The following HDAC9 variants were observed in gnomAD, a reference collection of about 807,000 sequenced individuals.
The protein encoded by HDAC9 is histone deacetylase 9.
In HDAC9, 41 loss-of-function variants were observed where a neutral mutation model predicts 139.4. The ratio of observed to expected loss-of-function variants is 0.29; its 90% confidence interval spans 0.23 to 0.38. The LOEUF (loss-of-function observed/expected upper bound fraction) is 0.38. Among genes scored for constraint, HDAC9 ranks in the 10% least tolerant of loss-of-function variants. The pLI is 1.00. For missense variants in HDAC9, 1,147 were observed against 1,297.0 expected (o/e 0.88, Z 1.78); for synonymous variants, 517 against 476.2 (o/e 1.09, Z -1.12).
rs796695519 is a variant in HDAC9, at chr7:18,824,090, C to CAAGAAGAAG, written c.2323-5066_2323-5065insGAAGAAGAA. Among the ~76,000 whole-genome samples, 110 of 123,190 alleles carry CAAGAAGAAG rather than the reference C, an allele frequency of 8.9e-4. 1 individual carries two copies. Among genetic ancestry groups the CAAGAAGAAG allele is most frequent in the South Asian group, 2.1e-3 (7 of 3,298 alleles). The allele number at this position is 123,190 out of a possible 152,430, so 80.8% of individuals were successfully genotyped here. On this transcript the variant is annotated intron_variant, in intron 17 of 25. Transcript: ENST00000686413. ...AGAAGAAGAAGAAGAAGAAGAAGAA[C>CAAGAAGAAG]AAGAACAAGAAGGAGAAGAAGAAGA...
At chr7:18,768,061 C>T (rs1449839213) in intron 16 of HDAC9, among the ~76,000 whole-genome samples, 1 of 152,002 alleles carries the variant, frequency 6.6e-6, no homozygotes, top group African/African-American at 2.4e-5. Context: ...GCCTTTTGTT[C>T]CTTTGCTTGT....
intron 1 of HDAC9, among the ~76,000 whole-genome samples, chr7:18,292,899 C>A (rs866066337): frequency 6.6e-6 from 1 of 152,076 alleles, no homozygotes; most frequent in Non-Finnish European, 1.5e-5. Flanking sequence ...ACGGGTACAA[C>A]TGCAAAAATA....
intron 1 of HDAC9, among the ~76,000 whole-genome samples, chr7:18,427,094 C>T (rs1442864188): frequency 6.6e-6 from 1 of 152,194 alleles, no homozygotes; most frequent in Non-Finnish European, 1.5e-5. Flanking sequence ...CATTGCCTAG[C>T]TGGTATTAAC....
intron 2 of HDAC9, among the ~76,000 whole-genome samples, chr7:18,581,799 C>A (rs973917084): frequency 2.0e-5 from 3 of 152,162 alleles, no homozygotes; most frequent in African/African-American, 4.8e-5. Context: ...TTGGGTGCTA[C>A]AATTAAGAGA....
intron 8 of HDAC9, among the ~76,000 whole-genome samples, chr7:18,642,058 A>G (rs545421976): frequency 1.3e-5 from 2 of 152,208 alleles, no homozygotes; most frequent in Non-Finnish European, 2.9e-5. Context: ...CTGTTTCCTT[A>G]TCTGTAATCC....
chr7:18,718,889 C>T (rs1358444067), intron 12 of HDAC9, among the ~76,000 whole-genome samples: 1 of 152,208 alleles, frequency 6.6e-6, no homozygotes, highest in African/African-American at 2.4e-5. Flanking sequence ...CCCCCACCAG[C>T]AGTGTATGAA....
chr7:18,624,279 T>G (rs1841040028), intron 6 of HDAC9, among the ~76,000 whole-genome samples: 1 of 152,190 alleles, frequency 6.6e-6, no homozygotes. Flanking sequence ...TACCTTTAGT[T>G]CATGAGGCAT....
At chr7:18,778,345 C>G (rs929801196) in intron 16 of HDAC9, among the ~76,000 whole-genome samples, 3 of 151,940 alleles carry the variant, frequency 2.0e-5, no homozygotes, top group African/African-American at 7.2e-5. Flanking sequence ...AACTAGAACA[C>G]TGAAAAGTCT....
intron 1 of HDAC9, among the ~76,000 whole-genome samples, chr7:18,403,421 C>G (rs1787723286): frequency 6.6e-6 from 1 of 152,024 alleles, no homozygotes; most frequent in Non-Finnish European, 1.5e-5. Context: ...TTCCATATTT[C>G]TTTCTATCAT....
chr7:18,187,015 G>A (rs73062435), intron 2 of HDAC9, among the ~76,000 whole-genome samples: 3 of 152,156 alleles, frequency 2.0e-5, no homozygotes, highest in Non-Finnish European at 2.9e-5. Context: ...GCAACTTTCA[G>A]TGTATTAGTT....
At chr7:18,897,833 A>C (rs7799557) in intron 22 of HDAC9, among the ~76,000 whole-genome samples, 1 of 150,044 alleles carries the variant, frequency 6.7e-6, no homozygotes, top group African/African-American at 2.4e-5. Context: ...AAAAAAAAAA[A>C]ATCCCTCCAT....
intron 17 of HDAC9, among the ~76,000 whole-genome samples, chr7:18,807,181 C>A (rs183568331): frequency 6.6e-6 from 1 of 152,226 alleles, no homozygotes; most frequent in East Asian, 1.9e-4. Flanking sequence ...TGTTTCTCAG[C>A]AGGATATATG....
At chr7:18,659,314 C>T (rs1030039512) in intron 11 of HDAC9, among the ~76,000 whole-genome samples, 2 of 152,086 alleles carry the variant, frequency 1.3e-5, no homozygotes, top group African/African-American at 2.4e-5. Flanking sequence ...ACATTAGTGA[C>T]AGTCTTTAAT....
chr7:18,239,959 T>C (rs1464652756), intron 2 of HDAC9, among the ~76,000 whole-genome samples: 1 of 151,288 alleles, frequency 6.6e-6, no homozygotes, highest in African/African-American at 2.4e-5. Context: ...GCATGTTTTT[T>C]TTTTTTTTTT....
chr7:18,805,941 C>T (rs1793669033), intron 17 of HDAC9, among the ~76,000 whole-genome samples: 1 of 152,170 alleles, frequency 6.6e-6, no homozygotes. Flanking sequence ...CTCTCCCCAA[C>T]ACACAGAGAT....
At chr7:18,672,460 T>C (rs1393977412) in intron 12 of HDAC9, among the ~76,000 whole-genome samples, 1 of 152,042 alleles carries the variant, frequency 6.6e-6, no homozygotes, top group Non-Finnish European at 1.5e-5. Context: ...AGTAGACCTT[T>C]ATCGGGTATA....
Position 18,815,970 on chromosome 7 carries a change from A to G in HDAC9, c.2323-13191A>G, listed in dbSNP as rs143327240. Among the ~76,000 whole-genome samples the G allele has an allele frequency of 2.3e-3, 347 of 152,352 alleles. 1 individual carries two copies. The highest frequency in any genetic ancestry group is 2.8e-3 in the Non-Finnish European group (189 of 68,038). ...TTCTAAAGCAAACTGTCTTTTTATA[A>G]GGTCTTTTGTAAGGCTGAAGTTAGC... On this transcript the variant is annotated intron_variant, in intron 17 of 25. Transcript: ENST00000686413.
intron 1 of HDAC9, among the ~76,000 whole-genome samples, chr7:18,415,665 C>T (rs13228023): frequency 0.55 from 83,301 of 151,964 alleles, 23,576 homozygotes; most frequent in Middle Eastern, 0.65. Context: ...TGAAACGTGC[C>T]TGAACAGTAT....
intron 24 of HDAC9, 162 bp downstream of exon 24, chr7:18,954,392 T>TCTTA: frequency 1.8e-6 from 1 of 568,310 alleles, no homozygotes; most frequent in Non-Finnish European, 3.0e-6. Flanking sequence ...AGCAATCTTA[T>TCTTA]CTTACACTGA....
Sources: gnomAD v4.1 joint callset for allele counts (sites outside exome capture counted in the v4.1 genomes callset) on GRCh38, gnomAD v4.1.1 for gene constraint, MANE v1.5 for transcripts, NCBI Gene and HGNC (gene_info 2026-07-23, HGNC 2026-07-21) for gene names.